Variants in MXRA8 observed in about 807,000 individuals in gnomAD.
The protein encoded by MXRA8 is matrix remodeling-associated protein 8.
In MXRA8, 44 loss-of-function variants were observed where a neutral mutation model predicts 51.4. The observed-to-expected ratio is 0.86, with a 90% CI of 0.67 to 1.10. The LOEUF is 1.10. MXRA8 is among the 50% of genes least tolerant of loss of function. MXRA8 has a pLI of 0.00. For synonymous variants in MXRA8, 369 were observed against 293.5 expected (o/e 1.26, Z -2.63); for missense variants, 765 against 638.9 (o/e 1.20, Z -2.13).
rs527376246 is a variant in MXRA8 at position 1,355,863 on chromosome 1, G to A, written c.74-111C>T. 4.1e-6 allele frequency: 3 copies of A among 739,068 alleles called. No individual in the cohort carries two copies. The East Asian group carries it at 1.5e-4, about 36-fold the overall frequency. 45.8% of individuals were successfully genotyped at this position (739,068 alleles called of 1,614,324 possible). ...TGGTGGGGGAGGGATGTCTGTAAGG[G>A]ACGGGCAGGACCAGAGGGCCCTGGT... On this transcript the variant is annotated intron_variant, in intron 2 of 9. Coordinates refer to ENST00000309212, the MANE Select transcript of MXRA8 (RefSeq NM_032348.4).
chr1:1,356,089 G>A (rs1182026730), intron 2 of MXRA8, among the ~76,000 whole-genome samples: 2 of 102,402 alleles, frequency 2.0e-5, no homozygotes. Context: ...GCGGGGTTGG[G>A]GGCATCTTTG....
rs1199462154 is a variant in MXRA8 at position 1,354,889 on chromosome 1, C to T, written c.742G>A (p.Asp248Asn). The T allele has an allele frequency of 1.2e-6, 2 of 1,611,432 alleles. No homozygotes were observed. Among genetic ancestry groups the T allele is most frequent in the Admixed American group, 3.3e-5 (2 of 59,922 alleles). Residue 248 changes from aspartate (D) to asparagine (N), a missense_variant, in exon 5 of 10, where the codon GAT becomes AAT. By Grantham distance (23) the Asp-to-Asn change is conservative. Transcript: ENST00000309212. ...GAGAAGTCACCGCGCTCAAAGGCAT[C>T]CGCGCCCACAGCCACGCGGTCGCGC... ...FLRDRVAVGA[D>N]AFERGDFSLR...
Position 1,355,439 on chromosome 1 carries a change from G to T in MXRA8, c.376+11C>A. On this transcript the variant is annotated intron_variant, in intron 3 of 9. Transcript: ENST00000309212. ...CCCCGACCCCGCGGCCCCGGTCCCC[G>T]GTCCCCGCACCGCGGATGAGCAGCG... 6.7e-7 allele frequency: 1 copy of T among 1,487,596 alleles called. No homozygotes were observed. Among genetic ancestry groups the T allele is most frequent in the Non-Finnish European group, 8.9e-7 (1 of 1,128,074 alleles). 92.1% of individuals were successfully genotyped at this position (1,487,596 alleles called of 1,614,324 possible).
upstream of MXRA8, among the ~76,000 whole-genome samples, chr1:1,360,065 G>A (rs188404662): frequency 0.011 from 1,688 of 152,356 alleles, 18 homozygotes; most frequent in Non-Finnish European, 0.018. Flanking sequence ...TTGGTGGGGG[G>A]ACAGGGTTGG....
chr1:1,356,623 C>T, intron 2 of MXRA8, 58 bp downstream of exon 2: 19 of 1,122,642 alleles, frequency 1.7e-5, no homozygotes, highest in Non-Finnish European at 2.1e-5. Context: ...CTGGGCCTGG[C>T]AAGATAGGAG....
In MXRA8 at chr1:1,353,250, C is replaced by G. The variant is rs1467577974; in HGVS notation, c.*354G>C. ...GTGGGACTCCTGCCCTGAGGCTGAC[C>G]CCAGTTTTGGGGCTGCCAGGTTCTG... On this transcript the variant is annotated 3_prime_UTR_variant, in exon 10 of 10. Coordinates refer to ENST00000309212, the MANE Select transcript of MXRA8 (RefSeq NM_032348.4). The G allele has an allele frequency of 6.7e-7, 1 of 1,502,166 alleles. No homozygotes were observed. Among genetic ancestry groups the G allele is most frequent in the African/African-American group, 1.4e-5 (1 of 72,048 alleles). 93.1% of individuals were successfully genotyped at this position (1,502,166 alleles called of 1,614,324 possible).
chr1:1,359,586 G>A (rs539501278), upstream of MXRA8: 10 of 985,220 alleles, frequency 1.0e-5, no homozygotes, highest in South Asian at 1.4e-4. Context: ...CTGCTCTGGT[G>A]CCCAAGTCCT....
At chr1:1,360,524 G>T (rs1423787139), upstream of MXRA8, among the ~76,000 whole-genome samples, 1 of 151,840 alleles carries the variant, frequency 6.6e-6, no homozygotes, top group Non-Finnish European at 1.5e-5. Context: ...CAGAGCTGTG[G>T]GTGTGTGACT....
At chr1:1,359,539 G>T, upstream of MXRA8, 1 of 985,254 alleles carries the variant, frequency 1.0e-6, no homozygotes, top group African/African-American at 1.7e-5. Flanking sequence ...TACAGGCCCC[G>T]AGGGCCCCAG....
In MXRA8 at chr1:1,353,505, C is replaced by T. The variant is rs961177740; in HGVS notation, c.*99G>A. ...CAAATTCCAGGAAAGCGGGACCAGC[C>T]GCTGGAAGGGGGGTGAGCCCCGGAG... On this transcript the variant is annotated 3_prime_UTR_variant, in exon 10 of 10. Coordinates refer to ENST00000309212, the MANE Select transcript of MXRA8 (RefSeq NM_032348.4). 51 of 1,510,054 alleles carry T rather than the reference C, an allele frequency of 3.4e-5. No homozygotes were observed. The highest frequency in any genetic ancestry group is 3.0e-4 in the East Asian group (12 of 40,354). The allele number at this position is 1,510,054 out of a possible 1,614,324, so 93.5% of individuals were successfully genotyped here.
chr1:1,355,518 C>T lies in MXRA8; in HGVS notation c.308G>A (p.Arg103Gln). ...SAGEQRVYEA[R>Q]DRGRLELSAS... Reference sequence around the variant, plus strand: ...CGAGAGCTCCAGGCGGCCGCGGTCCCGCGCCTCGTACACGCGCTGCTCGCC... The same window carrying T: ...CGAGAGCTCCAGGCGGCCGCGGTCCTGCGCCTCGTACACGCGCTGCTCGCC... Residue 103 changes from arginine (R) to glutamine (Q), a missense_variant, in exon 3 of 10, where the codon CGG (arginine) becomes CAG (glutamine). Coordinates refer to ENST00000309212, the MANE Select transcript of MXRA8 (RefSeq NM_032348.4). The T allele has an allele frequency of 2.0e-6, 3 of 1,502,090 alleles. No individual in the cohort carries two copies. Among genetic ancestry groups the T allele is most frequent in the South Asian group, 1.2e-5 (1 of 80,044 alleles). The allele number at this position is 1,502,090 out of a possible 1,614,324, so 93.0% of individuals were successfully genotyped here. A position where few individuals can be genotyped will look rare whatever the true frequency, so the allele number is the denominator to read the frequency against.
rs2100794059 is a variant in MXRA8 at position 1,353,185 on chromosome 1, G to A, written c.*419C>T. The A allele has an allele frequency of 8.7e-7, 1 of 1,149,048 alleles. No individual in the cohort carries two copies. The highest frequency in any genetic ancestry group is 1.3e-6 in the Non-Finnish European group (1 of 787,122). 71.2% of individuals were successfully genotyped at this position (1,149,048 alleles called of 1,614,324 possible). ...GTTCTGATGGGAGTGTCCTCCTCCA[G>A]GAACATCTCCCAGCCCCCGACGAGC... On this transcript the variant is annotated 3_prime_UTR_variant, in exon 10 of 10. Transcript: ENST00000309212.
In MXRA8 at chr1:1,355,688, C is replaced by A; in HGVS notation, c.138G>T (p.Ala46=). 1 of 1,348,518 alleles carries A rather than the reference C, an allele frequency of 7.4e-7. No homozygotes were observed. The highest frequency in any genetic ancestry group is 9.5e-7 in the Non-Finnish European group (1 of 1,056,428). The allele number at this position is 1,348,518 out of a possible 1,614,324, so 83.5% of individuals were successfully genotyped here. ...VVSESAVSWE[A]GARAVLRCQS... is the part of the protein sequence containing the mutation. ...GGCAGCGCAGCACCGCCCGGGCGCC[C>A]GCCTCCCAGCTCACCGCGGACTCGG... The change falls in exon 3 of 10, where the codon GCG becomes GCT. Residue 46 remains alanine (A), a synonymous_variant. Transcript: ENST00000309212.
chr1:1,354,148 G>T (rs766217705), intron 7 of MXRA8, 42 bp from the exon 8 acceptor site: 3 of 1,612,786 alleles, frequency 1.9e-6, no homozygotes, highest in Middle Eastern at 1.7e-4. Context: ...TGGGTGGGGT[G>T]AAGGGGGCCC....
chr1:1,362,356 C>T (rs183825721), upstream of MXRA8, among the ~76,000 whole-genome samples: 2 of 152,340 alleles, frequency 1.3e-5, no homozygotes, highest in Admixed American at 6.5e-5. Context: ...TCATCTGCCT[C>T]CTCTCGAGTA....
chr1:1,361,850 C>G (rs1347432773), upstream of MXRA8: 2 of 160,628 alleles, frequency 1.2e-5, no homozygotes, highest in Non-Finnish European at 2.8e-5. Flanking sequence ...GGAACCCCTG[C>G]GGGCTAAGAC....
At chr1:1,360,405 G>C (rs1414634934), upstream of MXRA8, among the ~76,000 whole-genome samples, 2 of 151,166 alleles carry the variant, frequency 1.3e-5, no homozygotes, top group African/African-American at 4.8e-5. Flanking sequence ...AGAAGAGCAG[G>C]CCTGGTAGTG....
upstream of MXRA8, among the ~76,000 whole-genome samples, chr1:1,362,264 G>A (rs1486904183): frequency 1.3e-5 from 2 of 152,236 alleles, no homozygotes; most frequent in African/African-American, 4.8e-5. Flanking sequence ...GGACACTGCT[G>A]AGATGGGGTG....
chr1:1,358,798 C>A, upstream of MXRA8: 1 of 1,175,584 alleles, frequency 8.5e-7, no homozygotes, highest in Non-Finnish European at 1.1e-6. Context: ...AGGACATGGG[C>A]CCCTGATACC....
Sources: gnomAD v4.1 joint callset for allele counts (sites outside exome capture counted in the v4.1 genomes callset) on GRCh38, gnomAD v4.1.1 for gene constraint, MANE v1.5 for transcripts, NCBI Gene and HGNC (gene_info 2026-07-23, HGNC 2026-07-21) for gene names.